Variants in NXNL1 observed in about 807,000 individuals in gnomAD.
NXNL1 encodes nucleoredoxin-like protein 1.
Under a neutral mutation model 7.2 loss-of-function variants are expected in NXNL1, and 6 were observed. The observed-to-expected ratio is 0.83, with a 90% CI of 0.46 to 1.64. The LOEUF (loss-of-function observed/expected upper bound fraction) is 1.64. Ranked by LOEUF, NXNL1 falls within the 40% of genes most tolerant of loss-of-function variation. The pLI, the probability that NXNL1 is intolerant of heterozygous loss-of-function variation, is 0.01. For synonymous variants in NXNL1, 133 were observed against 127.2 expected (o/e 1.05, Z -0.31); for missense variants, 308 against 285.1 (o/e 1.08, Z -0.58).
At chr19:17,457,937 C>A (rs938313726) in intron 1 of NXNL1, among the ~76,000 whole-genome samples, 19 of 152,148 alleles carry the variant, frequency 1.2e-4, no homozygotes, top group Non-Finnish European at 2.4e-4. Context: ...CAGAAACTTC[C>A]AACTTGTTGA....
chr19:17,458,515 T>G (rs2075001423), intron 1 of NXNL1, among the ~76,000 whole-genome samples: 1 of 151,888 alleles, frequency 6.6e-6, no homozygotes, highest in African/African-American at 2.4e-5. Context: ...GCCTGAACGT[T>G]TTTTTCATAA....
At chr19:17,456,230 G>C (rs2074992910) in intron 1 of NXNL1, among the ~76,000 whole-genome samples, 1 of 151,876 alleles carries the variant, frequency 6.6e-6, no homozygotes, top group Non-Finnish European at 1.5e-5. Flanking sequence ...TGCAGGCTAA[G>C]ACCCTGTAGT....
chr19:17,458,744 G>A (rs554076082), intron 1 of NXNL1, among the ~76,000 whole-genome samples: 8 of 151,658 alleles, frequency 5.3e-5, no homozygotes, highest in African/African-American at 1.9e-4. Flanking sequence ...TGGGACTACA[G>A]GTACCCAACA....
Position 17,455,671 on chromosome 19 carries a change from C to CCCCCCCCCCCCCCCCCCCCCCCCGGGGGG in NXNL1, c.614_615insCCCCCCGGGGGGGGGGGGGGGGGGGGGGG (p.Glu205AspfsTer69). ...GTCAGAACAGCCCCCCGGCCCCGCC[C>CCCCCCCCCCCCCCCCCCCCCCCCGGGGGG]TCCTCCCCACCCCCTCCCCCGGGGT... On this transcript the variant is annotated frameshift_variant, in exon 2 of 2. Transcript: ENST00000301944. LOFTEE classifies it high-confidence loss of function. The CCCCCCCCCCCCCCCCCCCCCCCCGGGGGG allele has an allele frequency of 9.3e-7, 1 of 1,079,738 alleles. No individual in the cohort carries two copies. 66.9% of individuals were successfully genotyped at this position (1,079,738 alleles called of 1,614,324 possible). A position where few individuals can be genotyped will look rare whatever the true frequency, so the allele number is the denominator to read the frequency against.
At chr19:17,460,409 C>A (rs1361507102) in intron 1 of NXNL1, 135 bp downstream of exon 1, 1 of 948,764 alleles carries the variant, frequency 1.1e-6, no homozygotes, top group Non-Finnish European at 1.5e-6. Flanking sequence ...GAAGTGGGCA[C>A]CCCTGTCTGT....
rs758986683 is a variant in NXNL1, at chr19:17,460,827, T to C, written c.43A>G (p.Ser15Gly). 2 of 1,613,782 alleles carry C rather than the reference T, an allele frequency of 1.2e-6. No individual in the cohort carries two copies. Among genetic ancestry groups the C allele is most frequent in the Non-Finnish European group, 1.7e-6 (2 of 1,180,026 alleles). The change falls in exon 1 of 2, where the codon AGC (serine) becomes GGC (glycine). Residue 15 changes from serine to glycine, a missense_variant. Coordinates refer to ENST00000301944, the MANE Select transcript of NXNL1 (RefSeq NM_138454.2). ...FSGRILIRNN[S>G]DQDELDTEAE... ...TCCGTATCCAGCTCGTCCTGGTCGCTATTGTTGCGGATCAGGATGCGGCCA... is the reference window on the plus strand; with the variant it reads ...TCCGTATCCAGCTCGTCCTGGTCGCCATTGTTGCGGATCAGGATGCGGCCA...
At chr19:17,460,372 C>T (rs2075007908) in intron 1 of NXNL1, among the ~76,000 whole-genome samples, 172 bp downstream of exon 1, 1 of 152,044 alleles carries the variant, frequency 6.6e-6, no homozygotes, top group African/African-American at 2.4e-5. Flanking sequence ...TCTAAGCTCC[C>T]TGGGGTGGCA....
rs2074989136 is a variant in NXNL1 at position 17,455,637 on chromosome 19, C to A, written c.*10G>T. 7.3e-7 allele frequency: 1 copy of A among 1,365,470 alleles called. No individual in the cohort carries two copies. The highest frequency in any genetic ancestry group is 1.0e-6 in the Non-Finnish European group (1 of 994,274). The allele number at this position is 1,365,470 out of a possible 1,614,324, so 84.6% of individuals were successfully genotyped here. A position where few individuals can be genotyped will look rare whatever the true frequency, so the allele number is the denominator to read the frequency against. On this transcript the variant is annotated 3_prime_UTR_variant, in exon 2 of 2. Transcript: ENST00000301944. ...CAACAAACCCCACTCCTCTCCTCCA[C>A]CCTAGCGGGTCAGAACAGCCCCCCG...
chr19:17,456,091 G>A, intron 1 of NXNL1, 132 bp from the exon 2 acceptor site: 2 of 1,462,414 alleles, frequency 1.4e-6, no homozygotes, highest in Non-Finnish European at 1.8e-6. Context: ...CTGGGTAGGT[G>A]CACACGAGGA....
At position 17,460,899 on chromosome 19, in the gene NXNL1, G is replaced by C; in HGVS notation, c.-30C>G. Reference sequence around the variant, plus strand: ...ACCTGGGTTGGGTGCTGGGGACAGCGCGGCGTGTGGTCCCCGGTCTGCTGA... The same window carrying C: ...ACCTGGGTTGGGTGCTGGGGACAGCCCGGCGTGTGGTCCCCGGTCTGCTGA... On this transcript the variant is annotated 5_prime_UTR_variant, in exon 1 of 2. Coordinates refer to ENST00000301944, the MANE Select transcript of NXNL1 (RefSeq NM_138454.2). 2 of 1,600,280 alleles carry C rather than the reference G, an allele frequency of 1.2e-6. No homozygotes were observed. The highest frequency in any genetic ancestry group is 8.5e-7 in the Non-Finnish European group (1 of 1,172,206).
intron 1 of NXNL1, among the ~76,000 whole-genome samples, chr19:17,456,753 G>A (rs948776276): frequency 1.1e-4 from 16 of 151,976 alleles, no homozygotes; most frequent in African/African-American, 3.6e-4. Flanking sequence ...CCTTTTCCAG[G>A]CTGCCACAAA....
chr19:17,459,263 C>T (rs1240911395), intron 1 of NXNL1, among the ~76,000 whole-genome samples: 1 of 84,322 alleles, frequency 1.2e-5, no homozygotes, highest in South Asian at 2.6e-4. Context: ...GAATTACCTA[C>T]AGTCTCCCTG....
At chr19:17,458,282 C>T (rs1339306450) in intron 1 of NXNL1, among the ~76,000 whole-genome samples, 7 of 142,782 alleles carry the variant, frequency 4.9e-5, no homozygotes, top group African/African-American at 7.8e-5. Flanking sequence ...TGCAGTGGCA[C>T]GATCTCGGGT....
At chr19:17,457,291 T>C (rs2144515730) in intron 1 of NXNL1, among the ~76,000 whole-genome samples, 1 of 152,238 alleles carries the variant, frequency 6.6e-6, no homozygotes, top group South Asian at 2.1e-4. Flanking sequence ...CAATGAATAA[T>C]CTTTTAGTGT....
intron 1 of NXNL1, among the ~76,000 whole-genome samples, chr19:17,457,649 A>G (rs1175377651): frequency 6.6e-6 from 1 of 152,180 alleles, no homozygotes; most frequent in Non-Finnish European, 1.5e-5. Flanking sequence ...CTGGGATTAC[A>G]GGCATGAACC....
chr19:17,455,427 C>T lies in NXNL1; in HGVS notation c.*220G>A. The T allele has an allele frequency of 1.8e-6, 1 of 569,226 alleles. No homozygotes were observed. Among genetic ancestry groups the T allele is most frequent in the Non-Finnish European group, 3.1e-6 (1 of 321,468 alleles). 35.3% of individuals were successfully genotyped at this position (569,226 alleles called of 1,614,324 possible). On this transcript the variant is annotated 3_prime_UTR_variant, in exon 2 of 2. Transcript: ENST00000301944. The stretch of plus-strand genomic sequence containing the variant: ...CAATCCATTCTCCCACCTCAGCCTT[C>T]AGGGTAGCTAAGCCACAGGTGCGCG...
intron 1 of NXNL1, among the ~76,000 whole-genome samples, chr19:17,458,192 TTTTTTCTTTCTTTC>T (rs1337008303): frequency 4.0e-4 from 61 of 151,732 alleles, no homozygotes; most frequent in East Asian, 1.4e-3. Flanking sequence ...TTTGAACATT[TTTTTTCTTTCTTTC>T]TTTTTCTTTC....
rs2074992534 is a variant in NXNL1 at position 17,456,108 on chromosome 19, C to T, written c.327-149G>A. 5 of 1,402,928 alleles carry T rather than the reference C, an allele frequency of 3.6e-6. No individual in the cohort carries two copies. In the Admixed American group the frequency reaches 1.4e-4, roughly 39 times the overall value. The allele number at this position is 1,402,928 out of a possible 1,614,324, so 86.9% of individuals were successfully genotyped here. On this transcript the variant is annotated intron_variant, in intron 1 of 1. Transcript: ENST00000301944. ...GGGTAGGTGCACACGAGGACCGGGA[C>T]AGGGCCAGACACTTTGGTCCCCGCG...
chr19:17,458,220 C>CTTTTTTTTTTTTTT (rs756873224), intron 1 of NXNL1, among the ~76,000 whole-genome samples: 72 of 122,154 alleles, frequency 5.9e-4, no homozygotes, highest in Non-Finnish European at 7.3e-4. Context: ...TTCTTTCTTT[C>CTTTTTTTTTTTTTT]TTTTTTTTTT....
Sources: gnomAD v4.1 joint callset for allele counts (sites outside exome capture counted in the v4.1 genomes callset) on GRCh38, gnomAD v4.1.1 for gene constraint, MANE v1.5 for transcripts, NCBI Gene and HGNC (gene_info 2026-07-23, HGNC 2026-07-21) for gene names.